MPZL1: variants seen among roughly 807,000 people sequenced by gnomAD.
MPZL1 encodes the protein myelin protein zero-like protein 1.
In MPZL1, 16 loss-of-function variants were observed where a neutral mutation model predicts 29.3. The observed-to-expected ratio is 0.55, with a 90% confidence interval of 0.37 to 0.83. The LOEUF is 0.83. MPZL1 is among the 40% of genes least tolerant of loss of function. The pLI is 0.00. For synonymous variants in MPZL1, 143 were observed against 132.0 expected (o/e 1.08, Z -0.57); for missense variants, 279 against 332.9 (o/e 0.84, Z 1.26).
chr1:167,729,035 G>C (rs1050361076), intron 1 of MPZL1, among the ~76,000 whole-genome samples: 1 of 152,072 alleles, frequency 6.6e-6, no homozygotes, highest in South Asian at 2.1e-4. Flanking sequence ...AGAGGCTGAG[G>C]CGGGTGGATT....
chr1:167,729,153 C>A (rs1660216039), intron 1 of MPZL1, among the ~76,000 whole-genome samples: 1 of 151,720 alleles, frequency 6.6e-6, no homozygotes, highest in South Asian at 2.1e-4. Flanking sequence ...ACCTATAATC[C>A]CAGCCACTTG....
chr1:167,769,261 C>T (rs1040458073), intron 2 of MPZL1, among the ~76,000 whole-genome samples: 6 of 152,066 alleles, frequency 3.9e-5, no homozygotes, highest in Non-Finnish European at 8.8e-5. Flanking sequence ...TTGTTCTGGA[C>T]TTTTTTTATA....
At chr1:167,736,468 A>G (rs1303724802) in intron 1 of MPZL1, among the ~76,000 whole-genome samples, 6 of 152,160 alleles carry the variant, frequency 3.9e-5, no homozygotes, top group Non-Finnish European at 8.8e-5. Context: ...TATGCTCAGA[A>G]CTCAACTCTA....
chr1:167,764,512 C>G (rs529616181), intron 1 of MPZL1, among the ~76,000 whole-genome samples: 13 of 152,144 alleles, frequency 8.5e-5, no homozygotes, highest in Non-Finnish European at 1.9e-4. Context: ...AAAACCAAAA[C>G]ATGCATTTTT....
intron 5 of MPZL1, among the ~76,000 whole-genome samples, chr1:167,786,381 C>A (rs1428862269): frequency 6.6e-5 from 10 of 152,078 alleles, no homozygotes; most frequent in African/African-American, 2.4e-4. Context: ...TTATAGGTAT[C>A]ATCTTATTTA....
chr1:167,775,017 T>A (rs185299057), intron 4 of MPZL1, among the ~76,000 whole-genome samples: 43 of 152,366 alleles, frequency 2.8e-4, no homozygotes, highest in Non-Finnish European at 4.6e-4. Context: ...ACTATCTGGA[T>A]GAAATTGGAT....
At chr1:167,722,437 A>G (rs774479872) in intron 1 of MPZL1, among the ~76,000 whole-genome samples, 195 bp downstream of exon 1, 5 of 152,196 alleles carry the variant, frequency 3.3e-5, no homozygotes, top group Non-Finnish European at 5.9e-5. Context: ...GGGAAGGCGC[A>G]GAGCCTCTTT....
chr1:167,724,201 G>A (rs1660096748), intron 1 of MPZL1, among the ~76,000 whole-genome samples: 1 of 152,196 alleles, frequency 6.6e-6, no homozygotes, highest in Admixed American at 6.5e-5. Context: ...GTAGGCATGG[G>A]GGAGGGGCAG....
At chr1:167,780,381 G>A (rs1661472417) in intron 5 of MPZL1, among the ~76,000 whole-genome samples, 1 of 152,108 alleles carries the variant, frequency 6.6e-6, no homozygotes, top group Non-Finnish European at 1.5e-5. Context: ...GATCCAGGTA[G>A]GTTAAAAATA....
chr1:167,740,574 T>C (rs1660495317), intron 1 of MPZL1, among the ~76,000 whole-genome samples: 1 of 152,194 alleles, frequency 6.6e-6, no homozygotes, highest in South Asian at 2.1e-4. Flanking sequence ...CTGACCTTTA[T>C]AGTTTGATGT....
At chr1:167,756,858 G>A (rs1277489976) in intron 1 of MPZL1, among the ~76,000 whole-genome samples, 1 of 152,108 alleles carries the variant, frequency 6.6e-6, no homozygotes, top group African/African-American at 2.4e-5. Context: ...CAGACAGCCG[G>A]TCATTTAAGT....
At chr1:167,727,872 CTTT>C (rs748327482) in intron 1 of MPZL1, among the ~76,000 whole-genome samples, 3 of 137,722 alleles carry the variant, frequency 2.2e-5, no homozygotes, top group Admixed American at 7.2e-5. Context: ...CTTTCTTTTC[CTTT>C]TTTTTTTTTT....
rs1661289460 is a variant in MPZL1, at chr1:167,773,270, G to A, written c.507G>A (p.Val169=). ...NLPVFPVWVV[V]GIVTAVVLGL... is the part of the protein sequence containing the mutation. ...CTGTGTTTCCAGTTTGGGTAGTGGT[G>A]GGCATAGTTACTGCTGTGGTCCTAG... Residue 169 remains valine, a synonymous_variant, in exon 4 of 6, where the codon GTG becomes GTA. Coordinates refer to ENST00000359523, the MANE Select transcript of MPZL1 (RefSeq NM_003953.6). 1 of 1,613,486 alleles carries A rather than the reference G, an allele frequency of 6.2e-7. No homozygotes were observed. Among genetic ancestry groups the A allele is most frequent in the Non-Finnish European group, 8.5e-7 (1 of 1,179,466 alleles).
intron 5 of MPZL1, among the ~76,000 whole-genome samples, chr1:167,777,490 C>T (rs1661396246): frequency 6.6e-6 from 1 of 152,130 alleles, no homozygotes; most frequent in South Asian, 2.1e-4. Flanking sequence ...CCAGCTGTCT[C>T]ACTCAATTGA....
At chr1:167,732,721 A>G (rs969905695) in intron 1 of MPZL1, among the ~76,000 whole-genome samples, 1 of 152,170 alleles carries the variant, frequency 6.6e-6, no homozygotes, top group Non-Finnish European at 1.5e-5. Flanking sequence ...GGTTCAAGCA[A>G]TTCTCTTGCC....
At chr1:167,735,978 A>T (rs1660370490) in intron 1 of MPZL1, among the ~76,000 whole-genome samples, 1 of 152,212 alleles carries the variant, frequency 6.6e-6, no homozygotes, top group African/African-American at 2.4e-5. Flanking sequence ...ACTTGGTGCT[A>T]TCTGACTTCC....
chr1:167,783,442 C>T (rs971096781), intron 5 of MPZL1, among the ~76,000 whole-genome samples: 1 of 152,118 alleles, frequency 6.6e-6, no homozygotes, highest in Admixed American at 6.5e-5. Context: ...TTCTGGATAT[C>T]GTTGATGCTC....
At chr1:167,786,583 G>A (rs150370278) in intron 5 of MPZL1, among the ~76,000 whole-genome samples, 1 of 152,258 alleles carries the variant, frequency 6.6e-6, no homozygotes, top group East Asian at 1.9e-4. Context: ...TCTAGTCCTC[G>A]AGTGTTATTT....
At chr1:167,772,640 A>G in intron 3 of MPZL1, 152 bp downstream of exon 3, 1 of 670,894 alleles carries the variant, frequency 1.5e-6, no homozygotes. Context: ...GGCTCTACCA[A>G]ACACACTTGG....
Sources: gnomAD v4.1 joint callset for allele counts (sites outside exome capture counted in the v4.1 genomes callset) on GRCh38, gnomAD v4.1.1 for gene constraint, MANE v1.5 for transcripts, NCBI Gene and HGNC (gene_info 2026-07-23, HGNC 2026-07-21) for gene names.